Variants in CDH4 observed in about 807,000 individuals in gnomAD.
The protein encoded by CDH4 is cadherin-4.
CDH4 carries 33 observed loss-of-function variants against 86.0 expected under a neutral mutation model. That is an observed-to-expected ratio of 0.38 (90% CI 0.29 to 0.51). The LOEUF is 0.51. CDH4 is among the 20% of genes least tolerant of loss of function. The probability of loss-of-function intolerance (pLI) is 0.86; values close to 1 mark genes in which losing one functional copy is unlikely to be tolerated. For synonymous variants in CDH4, 555 were observed against 549.4 expected, an observed-to-expected ratio of 1.01 and a Z score of -0.14; for missense variants, 1,114 against 1,307.4, an observed-to-expected ratio of 0.85 and a Z score of 2.28.
intron 2 of CDH4, among the ~76,000 whole-genome samples, chr20:61,286,587 A>G (rs974527389): frequency 6.6e-6 from 1 of 152,248 alleles, no homozygotes; most frequent in Admixed American, 6.5e-5. Flanking sequence ...CCTGCTCGGC[A>G]GCTTTGTGCA....
At chr20:61,633,317 C>T (rs1423058440) in intron 2 of CDH4, among the ~76,000 whole-genome samples, 2 of 152,036 alleles carry the variant, frequency 1.3e-5, no homozygotes, top group African/African-American at 2.4e-5. Context: ...ATGCATCCAA[C>T]TCTCCATTCA....
Position 61,324,765 on chromosome 20 carries a change from G to A in CDH4, c.169+69828G>A, listed in dbSNP as rs576323531. On this transcript the variant is annotated intron_variant, in intron 2 of 15. Coordinates refer to ENST00000614565, the MANE Select transcript of CDH4 (RefSeq NM_001794.5). ...GAGGAGCAGTGGAGGAGATTCTAGCGCCCAGGAAGAGTTGCCCTAAGTCAT... is the reference window on the plus strand; with the variant it reads ...GAGGAGCAGTGGAGGAGATTCTAGCACCCAGGAAGAGTTGCCCTAAGTCAT... Among the ~76,000 whole-genome samples the A allele has an allele frequency of 7.2e-5, 11 of 152,276 alleles. No individual in the cohort carries two copies. The South Asian group carries it at 1.4e-3, about 20-fold the overall frequency.
At chr20:61,658,258 G>A (rs577851711) in intron 2 of CDH4, among the ~76,000 whole-genome samples, 1 of 152,002 alleles carries the variant, frequency 6.6e-6, no homozygotes, top group South Asian at 2.1e-4. Flanking sequence ...CATCGCACCT[G>A]CAACCCCCGA....
chr20:61,899,537 C>T (rs1298178186), intron 8 of CDH4, among the ~76,000 whole-genome samples: 3 of 152,072 alleles, frequency 2.0e-5, no homozygotes, highest in Non-Finnish European at 2.9e-5. Flanking sequence ...ACGCCATTCT[C>T]CTACCTCAGC....
intron 2 of CDH4, among the ~76,000 whole-genome samples, chr20:61,496,449 C>T (rs932086737): frequency 1.3e-5 from 2 of 152,120 alleles, no homozygotes; most frequent in African/African-American, 2.4e-5. Context: ...TTTCCTTCAT[C>T]CCATATCTAT....
intron 2 of CDH4, among the ~76,000 whole-genome samples, chr20:61,728,408 C>T (rs772759866): frequency 2.6e-5 from 4 of 152,098 alleles, no homozygotes; most frequent in Admixed American, 6.5e-5. Flanking sequence ...TAAAACTCTG[C>T]TTGAGTTTGT....
At chr20:61,725,730 A>T (rs1302240500) in intron 2 of CDH4, among the ~76,000 whole-genome samples, 2 of 151,492 alleles carry the variant, frequency 1.3e-5, no homozygotes, top group African/African-American at 4.8e-5. Context: ...CTGCAGAGAG[A>T]CACAAGGGGG....
intron 2 of CDH4, among the ~76,000 whole-genome samples, chr20:61,548,084 C>T (rs1259247576): frequency 2.6e-5 from 4 of 152,178 alleles, no homozygotes; most frequent in Non-Finnish European, 5.9e-5. Flanking sequence ...CTGAGCCCAG[C>T]CCTACCCCAG....
intron 2 of CDH4, among the ~76,000 whole-genome samples, chr20:61,329,677 A>T (rs1263340981): frequency 2.0e-5 from 1 of 50,344 alleles, no homozygotes; most frequent in African/African-American, 9.5e-5. Context: ...TGTCACTTTA[A>T]AAAAAAAATT....
intron 2 of CDH4, among the ~76,000 whole-genome samples, chr20:61,283,652 G>A (rs1330784991): frequency 3.7e-4 from 56 of 152,324 alleles, no homozygotes; most frequent in Non-Finnish European, 8.8e-5. Context: ...GAGTGGATGG[G>A]AGGATATTTC....
intron 7 of CDH4, among the ~76,000 whole-genome samples, chr20:61,876,241 C>T (rs1323054385): frequency 6.6e-6 from 1 of 152,250 alleles, no homozygotes; most frequent in Non-Finnish European, 1.5e-5. Context: ...GACTGCCCCA[C>T]CTGCGTGCCA....
intron 2 of CDH4, among the ~76,000 whole-genome samples, chr20:61,592,976 A>C (rs1316296848): frequency 6.6e-6 from 1 of 152,092 alleles, no homozygotes; most frequent in African/African-American, 2.4e-5. Flanking sequence ...GGTGGGCCCT[A>C]AGTGCACTCA....
At chr20:61,683,840 C>T (rs974012695) in intron 2 of CDH4, among the ~76,000 whole-genome samples, 2 of 152,346 alleles carry the variant, frequency 1.3e-5, no homozygotes, top group African/African-American at 2.4e-5. Context: ...TTGTACAAGC[C>T]TGTGCCTGCC....
intron 2 of CDH4, among the ~76,000 whole-genome samples, chr20:61,727,663 A>G (rs571181421): frequency 1.3e-4 from 20 of 152,316 alleles, no homozygotes; most frequent in African/African-American, 4.3e-4. Context: ...AAAGGAGACC[A>G]TAGGTGTGCA....
intron 2 of CDH4, among the ~76,000 whole-genome samples, chr20:61,280,296 AAG>A (rs1444411482): frequency 6.6e-6 from 1 of 152,184 alleles, no homozygotes; most frequent in Non-Finnish European, 1.5e-5. Flanking sequence ...GGAAGGTGGA[AAG>A]AGAGGATGTG....
intron 2 of CDH4, among the ~76,000 whole-genome samples, chr20:61,707,058 C>T (rs2087839435): frequency 6.6e-6 from 1 of 152,262 alleles, no homozygotes; most frequent in Non-Finnish European, 1.5e-5. Context: ...ACTCTCTCTC[C>T]ATCTTCCCTG....
chr20:61,894,187 C>G (rs959075160), intron 7 of CDH4, among the ~76,000 whole-genome samples: 6 of 152,190 alleles, frequency 3.9e-5, no homozygotes. Flanking sequence ...TGGGTCAGAA[C>G]AGAGGTGTGG....
intron 3 of CDH4, among the ~76,000 whole-genome samples, chr20:61,753,976 G>A (rs6061797): frequency 0.31 from 46,882 of 152,104 alleles, 7,949 homozygotes; most frequent in African/African-American, 0.44. Context: ...CCCTGATGCA[G>A]TAGGACTGTG....
intron 2 of CDH4, among the ~76,000 whole-genome samples, chr20:61,715,366 T>G (rs975218233): frequency 6.6e-6 from 1 of 152,176 alleles, no homozygotes; most frequent in African/African-American, 2.4e-5. Flanking sequence ...TGGAGAAAAG[T>G]GTATTTGAGT....
Sources: allele counts gnomAD v4.1 joint callset (sites outside exome capture counted in the v4.1 genomes callset), GRCh38; gene constraint gnomAD v4.1.1; transcripts MANE v1.5; gene names NCBI Gene and HGNC (gene_info 2026-07-23, HGNC 2026-07-21).